Variants in CYP2C18 observed in about 807,000 individuals in gnomAD.
CYP2C18 encodes cytochrome P450 2C18.
A neutral mutation model predicts 41.3 loss-of-function variants in CYP2C18; 38 were observed. The observed-to-expected ratio is 0.92, with a 90% CI of 0.71 to 1.21. CYP2C18 has a LOEUF of 1.21. CYP2C18 is among the 50% of genes most tolerant of loss of function. The pLI is 0.00. For missense variants in CYP2C18, 635 were observed against 591.4 expected (o/e 1.07, Z -0.77); for synonymous variants, 236 against 210.0 (o/e 1.12, Z -1.07).
intron 5 of CYP2C18, among the ~76,000 whole-genome samples, chr10:94,717,687 G>A (rs1449390252): frequency 6.6e-6 from 1 of 152,046 alleles, no homozygotes; most frequent in African/African-American, 2.4e-5. Flanking sequence ...TGGATATCCA[G>A]TTTTCTCACC....
chr10:94,700,244 T>A (rs1471962653), intron 4 of CYP2C18, among the ~76,000 whole-genome samples: 1 of 152,166 alleles, frequency 6.6e-6, no homozygotes, highest in African/African-American at 2.4e-5. Context: ...AAGGCTACAG[T>A]AAGCAAAACA....
At chr10:94,696,814 C>G (rs930081156) in intron 4 of CYP2C18, among the ~76,000 whole-genome samples, 3 of 152,086 alleles carry the variant, frequency 2.0e-5, no homozygotes, top group Admixed American at 2.0e-4. Flanking sequence ...AACCACGGCC[C>G]GAGAATTATG....
In CYP2C18 at chr10:94,699,410, C is replaced by A. The variant is rs1352936648; in HGVS notation, c.642+4333C>A. Among the ~76,000 whole-genome samples, 3 of 152,122 alleles carry A rather than the reference C, an allele frequency of 2.0e-5. No homozygotes were observed. In the East Asian group the frequency reaches 5.8e-4, roughly 29 times the overall value. ...ATTACCTCAATAGATGCAGAAAAGG[C>A]CTTTGACAAAATTCAACAACCCTTC... is the stretch of plus-strand genomic sequence containing the variant. On this transcript the variant is annotated intron_variant, in intron 4 of 8. Transcript: ENST00000285979.
In CYP2C18 at chr10:94,687,840, A is replaced by G. The variant is rs368264095; in HGVS notation, c.239A>G (p.Tyr80Cys). The G allele has an allele frequency of 7.4e-6, 12 of 1,613,740 alleles. No homozygotes were observed. The highest frequency in any genetic ancestry group is 1.3e-5 in the African/African-American group (1 of 74,908). The part of the protein sequence containing the change: ...GLKPIVVLHG[Y>C]EAVKEALIDH... ...AAGCCCATTGTGGTGTTGCATGGATATGAAGCAGTGAAGGAGGCCCTGATT... is the reference window on the plus strand; with the variant it reads ...AAGCCCATTGTGGTGTTGCATGGATGTGAAGCAGTGAAGGAGGCCCTGATT... Residue 80 changes from tyrosine (Y) to cysteine (C), a missense_variant, in exon 2 of 9, where the codon TAT (tyrosine) becomes TGT (cysteine). Physicochemically the swap from Tyr to Cys is radical, Grantham distance 194. Coordinates refer to ENST00000285979, the MANE Select transcript of CYP2C18 (RefSeq NM_000772.3).
Position 94,735,688 on chromosome 10 carries a change from AT to A in CYP2C18, c.*245del. The A allele has an allele frequency of 2.0e-6, 1 of 506,090 alleles. No homozygotes were observed. The highest frequency in any genetic ancestry group is 3.2e-5 in the South Asian group (1 of 31,382). 31.3% of individuals were successfully genotyped at this position (506,090 alleles called of 1,614,324 possible). A position where few individuals can be genotyped will look rare whatever the true frequency, so the allele number is the denominator to read the frequency against. Reference sequence around the variant, plus strand: ...CTTGTATTGACCACCACATATGCTAATACCTATCTACTGCTGAGTTGTCAGT... The same window carrying A: ...CTTGTATTGACCACCACATATGCTAAACCTATCTACTGCTGAGTTGTCAGT... On this transcript the variant is annotated 3_prime_UTR_variant, in exon 9 of 9. Transcript: ENST00000285979.
In CYP2C18 at chr10:94,731,946, G is replaced by GA. The variant is rs919546834; in HGVS notation, c.1150-1343dup. Among the ~76,000 whole-genome samples the GA allele has an allele frequency of 3.3e-5, 5 of 151,562 alleles. No individual in the cohort carries two copies. The East Asian group carries it at 5.8e-4, about 18-fold the overall frequency. On this transcript the variant is annotated intron_variant, in intron 7 of 8. Transcript: ENST00000285979. ...CTAAGTCCTCAAAAGCAATCACAAT[G>GA]AAAAAAAATTGATATGTTACTTAAA...
chr10:94,697,077 C>T (rs975423385), intron 4 of CYP2C18, among the ~76,000 whole-genome samples: 1 of 152,302 alleles, frequency 6.6e-6, no homozygotes, highest in South Asian at 2.1e-4. Flanking sequence ...TCCAGGAGAA[C>T]TTCCCCAATC....
In CYP2C18 at chr10:94,683,800, A is replaced by T; in HGVS notation, c.-20A>T. 6.4e-7 allele frequency: 1 copy of T among 1,562,440 alleles called. No homozygotes were observed. The highest frequency in any genetic ancestry group is 8.7e-7 in the Non-Finnish European group (1 of 1,154,858). On this transcript the variant is annotated 5_prime_UTR_variant, in exon 1 of 9. Transcript: ENST00000285979. The stretch of plus-strand genomic sequence containing the variant: ...TGAAGTGAAAGCCCGCAGTTGTCTT[A>T]CTAAGAAGAGAAGCCTTCAATGGAT...
intron 5 of CYP2C18, among the ~76,000 whole-genome samples, chr10:94,712,566 A>G (rs2134195349): frequency 6.6e-6 from 1 of 152,238 alleles, no homozygotes; most frequent in Non-Finnish European, 1.5e-5. Context: ...TATATATACC[A>G]CATTTTCTTT....
At chr10:94,717,275 A>G (rs903870187) in intron 5 of CYP2C18, among the ~76,000 whole-genome samples, 4 of 152,126 alleles carry the variant, frequency 2.6e-5, no homozygotes, top group Non-Finnish European at 5.9e-5. Flanking sequence ...TCTTCCTAGC[A>G]TCAATGGTCT....
intron 6 of CYP2C18, among the ~76,000 whole-genome samples, chr10:94,722,142 T>C (rs1847657170): frequency 1.3e-5 from 2 of 152,124 alleles, no homozygotes; most frequent in South Asian, 4.1e-4. Flanking sequence ...AAAATCTGTA[T>C]AGTCTGGGAA....
chr10:94,735,146 T>C (rs1847897243), intron 8 of CYP2C18, 117 bp from the exon 9 acceptor site: 1 of 1,033,982 alleles, frequency 9.7e-7, no homozygotes. Context: ...CTTCCAGTCA[T>C]TCTGCCTTCG....
chr10:94,725,524 G>A (rs556570481), intron 7 of CYP2C18, among the ~76,000 whole-genome samples: 2 of 151,962 alleles, frequency 1.3e-5, no homozygotes, highest in South Asian at 4.2e-4. Context: ...ATGATGGTGG[G>A]CATCCTTGTT....
chr10:94,692,668 TG>T (rs201765745), intron 3 of CYP2C18, among the ~76,000 whole-genome samples: 18,830 of 152,166 alleles, frequency 0.12, 1,373 homozygotes, highest in East Asian at 0.37. Flanking sequence ...ATCCCATTAC[TG>T]GGTATATACC....
chr10:94,722,743 G>A (rs1847668684), intron 6 of CYP2C18, among the ~76,000 whole-genome samples: 1 of 152,128 alleles, frequency 6.6e-6, no homozygotes, highest in South Asian at 2.1e-4. Context: ...TAGAGAAACT[G>A]AACCTAAGAG....
In CYP2C18 at chr10:94,695,051, A is replaced by G. The variant is rs1847088819; in HGVS notation, c.616A>G (p.Arg206Gly). Reference protein sequence around the residue: ...NLMEKFNENLRILSSPWIQVC... With the variant: ...NLMEKFNENLGILSSPWIQVC... Reference sequence around the variant, plus strand: ...GATGGAAAAATTCAATGAAAACCTCAGGATTCTGAGCTCTCCATGGATCCA... The same window carrying G: ...GATGGAAAAATTCAATGAAAACCTCGGGATTCTGAGCTCTCCATGGATCCA... Residue 206 changes from arginine (R) to glycine (G), a missense_variant, in exon 4 of 9, where the codon AGG becomes GGG. By Grantham distance (125) the Arg-to-Gly change is moderately radical (BLOSUM62 -2). Transcript: ENST00000285979. 6.2e-7 allele frequency: 1 copy of G among 1,612,606 alleles called. No homozygotes were observed. The highest frequency in any genetic ancestry group is 8.5e-7 in the Non-Finnish European group (1 of 1,179,746).
intron 5 of CYP2C18, among the ~76,000 whole-genome samples, chr10:94,719,772 A>G (rs186891721): frequency 1.4e-4 from 22 of 151,918 alleles, no homozygotes; most frequent in Admixed American, 1.2e-3. Flanking sequence ...ATGAGATTTC[A>G]CCATGTTGCC....
At chr10:94,712,003 A>G (rs1416188957) in intron 5 of CYP2C18, among the ~76,000 whole-genome samples, 1 of 104,892 alleles carries the variant, frequency 9.5e-6, no homozygotes, top group Admixed American at 1.0e-4. Flanking sequence ...CACCATGCCC[A>G]ACTAATTTTT....
chr10:94,703,439 G>C (rs139769464), intron 4 of CYP2C18, among the ~76,000 whole-genome samples: 1 of 152,210 alleles, frequency 6.6e-6, no homozygotes, highest in African/African-American at 2.4e-5. Flanking sequence ...GCCCAGAGAG[G>C]AGGAGTCTAG....
Sources: gnomAD v4.1 joint callset for allele counts (sites outside exome capture counted in the v4.1 genomes callset) on GRCh38, gnomAD v4.1.1 for gene constraint, MANE v1.5 for transcripts, NCBI Gene and HGNC (gene_info 2026-07-23, HGNC 2026-07-21) for gene names.